Variants in KCNQ1 observed in about 807,000 individuals in gnomAD.
The protein encoded by KCNQ1 is potassium voltage-gated channel subfamily KQT member 1.
A neutral mutation model predicts 72.4 loss-of-function variants in KCNQ1; 49 were observed. The ratio of observed to expected loss-of-function variants is 0.68; its 90% confidence interval spans 0.54 to 0.86. The LOEUF is 0.86. Among genes scored for constraint, KCNQ1 ranks in the 40% least tolerant of loss-of-function variants. The pLI is 0.00. For missense variants in KCNQ1, 790 were observed against 945.1 expected (o/e 0.84, Z 2.15); for synonymous variants, 450 against 412.6 (o/e 1.09, Z -1.10).
chr11:2,805,522 T>G (rs997139305), intron 15 of KCNQ1, among the ~76,000 whole-genome samples: 3 of 152,216 alleles, frequency 2.0e-5, no homozygotes, highest in African/African-American at 7.2e-5. Flanking sequence ...CCCCGCTGCC[T>G]GTTTTTGTAA....
intron 15 of KCNQ1, among the ~76,000 whole-genome samples, chr11:2,847,419 C>G (rs1848352190): frequency 6.6e-6 from 1 of 152,224 alleles, no homozygotes; most frequent in South Asian, 2.1e-4. Context: ...GGTGCAGACC[C>G]TGCCATGCGG....
intron 2 of KCNQ1, among the ~76,000 whole-genome samples, chr11:2,534,173 C>T (rs192299575): frequency 8.8e-4 from 134 of 152,308 alleles, no homozygotes; most frequent in Non-Finnish European, 1.6e-3. Flanking sequence ...GTCTCTGGGC[C>T]TCCGTGACGG....
At chr11:2,634,183 A>G (rs1159486486) in intron 10 of KCNQ1, 4 of 323,518 alleles carry the variant, frequency 1.2e-5, no homozygotes, top group African/African-American at 3.6e-5. Context: ...CCTTTTTTTT[A>G]TTATACTTTA....
At position 2,781,081 on chromosome 11, in the gene KCNQ1, C is replaced by T. The variant is rs868801019; in HGVS notation, c.1794+3044C>T. 6.6e-6 allele frequency among the ~76,000 whole-genome samples: 1 copy of T among 152,166 alleles called. No individual in the cohort carries two copies. The highest frequency in any genetic ancestry group is 1.5e-5 in the Non-Finnish European group (1 of 68,040). ...TCTACTTCCTGCGGGCCTCCCTCCC[C>T]TGTCAAATGAGAGGGTTTGACTCCT... On this transcript the variant is annotated intron_variant, in intron 15 of 15. Coordinates refer to ENST00000155840, the MANE Select transcript of KCNQ1 (RefSeq NM_000218.3). This position sits in a 1 kb window ranked among gnomAD's most constrained non-coding sequence, Gnocchi z 6.6.
rs972958679 is a variant in KCNQ1, at chr11:2,674,062, C to T, written c.1514+11981C>T. Reference sequence around the variant, plus strand: ...GCCCCTCATTTGTACTTGCTGGCTGCCCCATGGGGGCTTGGGCTAGGTCTC... The same window carrying T: ...GCCCCTCATTTGTACTTGCTGGCTGTCCCATGGGGGCTTGGGCTAGGTCTC... On this transcript the variant is annotated intron_variant, in intron 11 of 15. Transcript: ENST00000155840. The surrounding 1 kb of genome is among the most constrained non-coding windows in gnomAD (Gnocchi z 5.9). 2.5e-5 allele frequency: 10 copies of T among 398,502 alleles called. No homozygotes were observed. The highest frequency in any genetic ancestry group is 2.1e-4 in the African/African-American group (10 of 48,600). The allele number at this position is 398,502 out of a possible 1,614,324, so 24.7% of individuals were successfully genotyped here.
Position 2,456,738 on chromosome 11 carries a change from G to A in KCNQ1, c.386+11254G>A, listed in dbSNP as rs560119681. On this transcript the variant is annotated intron_variant, in intron 1 of 15. Coordinates refer to ENST00000155840, the MANE Select transcript of KCNQ1 (RefSeq NM_000218.3). ...AGATCGAGACCATCCTGGCTAACAT[G>A]GTGAAACCCTGTCTCTACTAAAAAT... Among the ~76,000 whole-genome samples, 179 of 143,804 alleles carry A rather than the reference G, an allele frequency of 1.2e-3. 3 individuals are homozygous for A. The East Asian group carries it at 0.021, about 17-fold the overall frequency. 94.3% of individuals were successfully genotyped at this position (143,804 alleles called of 152,430 possible).
chr11:2,647,508 G>A lies in KCNQ1; in HGVS notation c.1394-14453G>A. Reference sequence around the variant, plus strand: ...TGGTTTTGGTATCAAGATACTGCTTGCCTCACAGAATGAGTTAGGGAGAAT... The same window carrying A: ...TGGTTTTGGTATCAAGATACTGCTTACCTCACAGAATGAGTTAGGGAGAAT... On this transcript the variant is annotated intron_variant, in intron 10 of 15. Coordinates refer to ENST00000155840, the MANE Select transcript of KCNQ1 (RefSeq NM_000218.3). This position sits in a 1 kb window ranked among gnomAD's most constrained non-coding sequence, Gnocchi z 4.0. 2.5e-6 allele frequency: 1 copy of A among 398,492 alleles called. No individual in the cohort carries two copies. Among genetic ancestry groups the A allele is most frequent in the Non-Finnish European group, 4.4e-6 (1 of 226,044 alleles). The allele number at this position is 398,492 out of a possible 1,614,324, so 24.7% of individuals were successfully genotyped here.
At chr11:2,714,743 G>T (rs1564868699) in intron 11 of KCNQ1, among the ~76,000 whole-genome samples, 1 of 152,158 alleles carries the variant, frequency 6.6e-6, no homozygotes, top group Non-Finnish European at 1.5e-5. Flanking sequence ...GGGCCGGGGT[G>T]GTAGGGGTAG....
Position 2,464,539 on chromosome 11 carries a change from T to C in KCNQ1, c.386+19055T>C, listed in dbSNP as rs975155131. On this transcript the variant is annotated intron_variant, in intron 1 of 15. Coordinates refer to ENST00000155840, the MANE Select transcript of KCNQ1 (RefSeq NM_000218.3). The surrounding 1 kb of genome is among the most constrained non-coding windows in gnomAD (Gnocchi z 5.0). ...GGGTCCACATGGTGCTAGGGTCCCATGGGCTCCTGGCCCCTGGCTGCTGCC... is the reference window on the plus strand; with the variant it reads ...GGGTCCACATGGTGCTAGGGTCCCACGGGCTCCTGGCCCCTGGCTGCTGCC... Among the ~76,000 whole-genome samples, 4 of 151,634 alleles carry C rather than the reference T, an allele frequency of 2.6e-5. No homozygotes were observed. Among genetic ancestry groups the C allele is most frequent in the African/African-American group, 9.7e-5 (4 of 41,274 alleles).
chr11:2,449,940 G>A (rs984446157), intron 1 of KCNQ1, among the ~76,000 whole-genome samples: 2 of 152,144 alleles, frequency 1.3e-5, no homozygotes, highest in African/African-American at 2.4e-5. Flanking sequence ...CTGACGCAGG[G>A]GTCCTGATGC....
At chr11:2,618,008 T>C (rs189919016) in intron 10 of KCNQ1, 9 of 398,606 alleles carry the variant, frequency 2.3e-5, no homozygotes, top group African/African-American at 1.4e-4. Flanking sequence ...GTTGACTGTT[T>C]CCGTTCCTGT....
chr11:2,531,336 C>T (rs1006960096), intron 2 of KCNQ1, among the ~76,000 whole-genome samples: 1 of 152,124 alleles, frequency 6.6e-6, no homozygotes, highest in Non-Finnish European at 1.5e-5. Context: ...GTCTGCAGCC[C>T]TAGAATCACC....
chr11:2,575,159 TCCCCAGCC>T (rs1262759012), intron 6 of KCNQ1, among the ~76,000 whole-genome samples: 2 of 151,920 alleles, frequency 1.3e-5, no homozygotes, highest in African/African-American at 2.4e-5. Flanking sequence ...CGGACGCTAC[TCCCCAGCC>T]CCCCAGCCCG....
intron 11 of KCNQ1, among the ~76,000 whole-genome samples, chr11:2,747,028 C>T (rs550650809): frequency 1.5e-3 from 230 of 152,336 alleles, no homozygotes; most frequent in African/African-American, 5.4e-3. Context: ...CACACATGGC[C>T]CTTCTCAAAG....
intron 11 of KCNQ1, chr11:2,693,582 A>G (rs1850624454): frequency 5.0e-6 from 2 of 398,556 alleles, no homozygotes; most frequent in Non-Finnish European, 8.8e-6. Flanking sequence ...GGATTCTTCC[A>G]TAAATGAGGC....
At chr11:2,506,473 GT>G (rs1847107631) in intron 1 of KCNQ1, among the ~76,000 whole-genome samples, 1 of 152,172 alleles carries the variant, frequency 6.6e-6, no homozygotes, top group African/African-American at 2.4e-5. Flanking sequence ...CATTTAGGTT[GT>G]TCTGATATTG....
Position 2,759,827 on chromosome 11 carries a change from C to A in KCNQ1, c.1515-9017C>A, listed in dbSNP as rs1220760934. ...CAGGTGAGGCCAGCCCCTCCTCCAC[C>A]CTGGGCATCTCCAGGCCCAGCCCCA... On this transcript the variant is annotated intron_variant, in intron 11 of 15. Transcript: ENST00000155840. This position sits in a 1 kb window ranked among gnomAD's most constrained non-coding sequence, Gnocchi z 4.4. 1.3e-5 allele frequency among the ~76,000 whole-genome samples: 2 copies of A among 152,094 alleles called. No homozygotes were observed. Among genetic ancestry groups the A allele is most frequent in the Non-Finnish European group, 2.9e-5 (2 of 67,982 alleles).
chr11:2,847,808 G>A lies in KCNQ1; in HGVS notation c.1836G>A (p.Met612Ile), dbSNP rs878853756. 3.8e-6 allele frequency: 6 copies of A among 1,570,132 alleles called. No individual in the cohort carries two copies. The highest frequency in any genetic ancestry group is 5.2e-6 in the Non-Finnish European group (6 of 1,157,318). The change falls in exon 16 of 16, where the codon ATG becomes ATA. Residue 612 changes from methionine (M) to isoleucine (I), a missense_variant. Met to Ile is a conservative substitution (Grantham distance 10). Transcript: ENST00000155840. ...AGAGGCTGGCACTCATCACCGACATGCTTCACCAGCTGCTCTCCTTGCACG... is the reference window on the plus strand; with the variant it reads ...AGAGGCTGGCACTCATCACCGACATACTTCACCAGCTGCTCTCCTTGCACG... ...LDQRLALITD[M>I]LHQLLSLHGG... is the part of the protein sequence containing the mutation.
At chr11:2,628,373 T>G (rs536363469) in intron 10 of KCNQ1, 1 of 398,564 alleles carries the variant, frequency 2.5e-6, no homozygotes, top group Non-Finnish European at 4.4e-6. Context: ...TCATTTGCAT[T>G]TCCCTGATGA....
Sources: gnomAD v4.1 joint callset for allele counts (sites outside exome capture counted in the v4.1 genomes callset) on GRCh38, gnomAD v4.1.1 for gene constraint, Gnocchi (gnomAD v3.1) non-coding constraint, MANE v1.5 for transcripts, NCBI Gene and HGNC (gene_info 2026-07-23, HGNC 2026-07-21) for gene names.